EFCAB6: variants seen among roughly 807,000 people sequenced by gnomAD.
EFCAB6 encodes the protein EF-hand calcium-binding domain-containing protein 6.
EFCAB6 carries 156 observed loss-of-function variants against 169.8 expected under a neutral mutation model. That is an observed-to-expected ratio of 0.92 (90% CI 0.81 to 1.05). The LOEUF (loss-of-function observed/expected upper bound fraction) is 1.05. Among genes scored for constraint, EFCAB6 ranks in the 50% least tolerant of loss-of-function variants. The pLI, the probability that EFCAB6 is intolerant of heterozygous loss-of-function variation, is 0.00. For missense variants in EFCAB6, 1,800 were observed against 1,829.1 expected (o/e 0.98, Z 0.29); for synonymous variants, 698 against 676.4 (o/e 1.03, Z -0.50).
chr22:43,651,915 T>C (rs1253397090), intron 17 of EFCAB6, among the ~76,000 whole-genome samples: 1 of 152,242 alleles, frequency 6.6e-6, no homozygotes, highest in East Asian at 1.9e-4. Context: ...CCAACACCTG[T>C]ACCCTCATTG....
chr22:43,736,076 T>A (rs2060126919), intron 6 of EFCAB6, 83 bp from the exon 7 acceptor site: 3 of 1,301,580 alleles, frequency 2.3e-6, no homozygotes, highest in Non-Finnish European at 3.1e-6. Flanking sequence ...AAGTTTTTTT[T>A]AATACTTTTT....
intron 12 of EFCAB6, among the ~76,000 whole-genome samples, chr22:43,681,594 T>C (rs1326113603): frequency 6.6e-6 from 1 of 152,000 alleles, no homozygotes; most frequent in African/African-American, 2.4e-5. Context: ...AAGACATATT[T>C]CTATGTATTT....
chr22:43,536,105 G>A (rs1233034969), intron 29 of EFCAB6: 3 of 151,990 alleles, frequency 2.0e-5, no homozygotes, highest in Admixed American at 1.3e-4. Flanking sequence ...ACTTAAATGA[G>A]TTCATGGTTG....
chr22:43,727,735 C>A (rs2059790745), intron 8 of EFCAB6, among the ~76,000 whole-genome samples: 1 of 152,036 alleles, frequency 6.6e-6, no homozygotes. Flanking sequence ...TATTAGAAAC[C>A]TTATTTATTA....
At chr22:43,552,652 A>T (rs574625390) in intron 27 of EFCAB6, 1 of 152,202 alleles carries the variant, frequency 6.6e-6, no homozygotes, top group Admixed American at 6.5e-5. Flanking sequence ...TAAGTGTTTA[A>T]TTTGGTTGGG....
At chr22:43,657,959 T>G (rs2056825836) in intron 17 of EFCAB6, among the ~76,000 whole-genome samples, 1 of 152,270 alleles carries the variant, frequency 6.6e-6, no homozygotes, top group South Asian at 2.1e-4. Flanking sequence ...CCAGGTGAGG[T>G]GGCTCACATC....
At chr22:43,652,371 T>G (rs907659652) in intron 17 of EFCAB6, among the ~76,000 whole-genome samples, 2 of 152,232 alleles carry the variant, frequency 1.3e-5, no homozygotes, top group Non-Finnish European at 2.9e-5. Flanking sequence ...ACCATGATTG[T>G]GAGGCTTCCC....
At chr22:43,586,108 T>A (rs1161559825) in intron 24 of EFCAB6, among the ~76,000 whole-genome samples, 2 of 152,066 alleles carry the variant, frequency 1.3e-5, no homozygotes, top group Non-Finnish European at 2.9e-5. Context: ...TAAAATAACA[T>A]CTTTTTTTTC....
At chr22:43,595,299 C>T (rs1017146548) in intron 23 of EFCAB6, among the ~76,000 whole-genome samples, 1 of 151,564 alleles carries the variant, frequency 6.6e-6, no homozygotes, top group Non-Finnish European at 1.5e-5. Flanking sequence ...AAAATTGAGA[C>T]TAAAACAATA....
chr22:43,582,836 GAA>G (rs1256153048), intron 24 of EFCAB6, among the ~76,000 whole-genome samples: 1 of 152,086 alleles, frequency 6.6e-6, no homozygotes, highest in Non-Finnish European at 1.5e-5. Context: ...CCCTGTTCTA[GAA>G]AAAAGTGATG....
intron 26 of EFCAB6, among the ~76,000 whole-genome samples, chr22:43,563,925 G>A (rs1307957487): frequency 4.5e-4 from 69 of 152,230 alleles, no homozygotes; most frequent in Admixed American, 4.4e-3. Context: ...GACCGGCTGC[G>A]GTGAGCTCTG....
At chr22:43,752,697 T>C (rs1331557188) in intron 6 of EFCAB6, among the ~76,000 whole-genome samples, 1 of 152,148 alleles carries the variant, frequency 6.6e-6, no homozygotes, top group Non-Finnish European at 1.5e-5. Flanking sequence ...CATCAAAGCA[T>C]CTGCCTGGAG....
Position 43,679,777 on chromosome 22 carries a change from C to G in EFCAB6, c.1252-1614G>C, listed in dbSNP as rs1810040883. On this transcript the variant is annotated intron_variant, in intron 12 of 31. Coordinates refer to ENST00000262726, the MANE Select transcript of EFCAB6 (RefSeq NM_022785.4). ...TTCATAAAAGATTGTATTGGCTGTT[C>G]ACAGATCTTCTTGGGTAAAATGTCT... Among the ~76,000 whole-genome samples the G allele has an allele frequency of 2.0e-5, 3 of 152,026 alleles. No individual in the cohort carries two copies. The South Asian group carries it at 6.2e-4, about 32-fold the overall frequency.
At chr22:43,775,934 C>A (rs531006407) in intron 3 of EFCAB6, among the ~76,000 whole-genome samples, 3 of 152,366 alleles carry the variant, frequency 2.0e-5, no homozygotes, top group African/African-American at 7.2e-5. Context: ...AGCCTCTGCA[C>A]CTCCCCAGCT....
At chr22:43,709,650 T>C (rs1033852359) in intron 10 of EFCAB6, among the ~76,000 whole-genome samples, 1 of 152,208 alleles carries the variant, frequency 6.6e-6, no homozygotes, top group African/African-American at 2.4e-5. Context: ...GTAAATTTGT[T>C]AGGTAAGGTG....
chr22:43,729,346 C>T (rs1361568997), intron 8 of EFCAB6, among the ~76,000 whole-genome samples: 2 of 152,170 alleles, frequency 1.3e-5, no homozygotes, highest in Admixed American at 6.5e-5. Context: ...ATCCTCCTGC[C>T]TCAGCCTCCC....
At chr22:43,712,536 T>C (rs2059196922) in intron 9 of EFCAB6, among the ~76,000 whole-genome samples, 1 of 152,232 alleles carries the variant, frequency 6.6e-6, no homozygotes, top group African/African-American at 2.4e-5. Context: ...ATATCTTTAA[T>C]AAAAATATTT....
chr22:43,808,811 G>T lies in EFCAB6; in HGVS notation c.-8+184C>A, dbSNP rs150069787. ...GAAACACCAGGAGTGCCAAGGCAGT[G>T]AGATGACCACTGCCTGGGGATCCCC... On this transcript the variant is annotated intron_variant, in intron 2 of 31. Coordinates refer to ENST00000262726, the MANE Select transcript of EFCAB6 (RefSeq NM_022785.4). Among the ~76,000 whole-genome samples the T allele has an allele frequency of 4.2e-3, 641 of 152,332 alleles. 2 individuals carry two copies. The highest frequency in any genetic ancestry group is 0.027 in the Middle Eastern group (8 of 294).
chr22:43,806,870 T>C (rs970931457), intron 2 of EFCAB6, among the ~76,000 whole-genome samples: 1 of 152,236 alleles, frequency 6.6e-6, no homozygotes, highest in Non-Finnish European at 1.5e-5. Context: ...GCTTTGCTAA[T>C]TGTTTCATTT....
Sources: allele counts gnomAD v4.1 joint callset (sites outside exome capture counted in the v4.1 genomes callset), GRCh38; gene constraint gnomAD v4.1.1; transcripts MANE v1.5; gene names NCBI Gene and HGNC (gene_info 2026-07-23, HGNC 2026-07-21).